Variants in TMEM18 observed in about 807,000 individuals in gnomAD.
The protein encoded by TMEM18 is transmembrane protein 18.
Under a neutral mutation model 17.4 loss-of-function variants are expected in TMEM18, and 14 were observed. The observed-to-expected ratio is 0.80, with a 90% CI of 0.53 to 1.25. The LOEUF is 1.25. Among genes scored for constraint, TMEM18 ranks in the 50% most tolerant of loss-of-function variants. The probability of loss-of-function intolerance (pLI) is 0.00; values close to 1 mark genes in which losing one functional copy is unlikely to be tolerated. For synonymous variants in TMEM18, 86 were observed against 66.1 expected (o/e 1.30, Z -1.46); for missense variants, 187 against 172.1 (o/e 1.09, Z -0.48).
rs1678738783 is a variant in TMEM18, at chr2:668,044, A to G, written c.*1536T>C. On this transcript the variant is annotated 3_prime_UTR_variant, in exon 5 of 5. Coordinates refer to ENST00000281017, the MANE Select transcript of TMEM18 (RefSeq NM_152834.4). Reference sequence around the variant, plus strand: ...GGGAGGCCTCGGGAAACTTACAATCATGGCAGAGGGAGAAACAAGCACCTT... The same window carrying G: ...GGGAGGCCTCGGGAAACTTACAATCGTGGCAGAGGGAGAAACAAGCACCTT... 6.6e-6 allele frequency: 1 copy of G among 152,256 alleles called. No individual in the cohort carries two copies. Among genetic ancestry groups the G allele is most frequent in the African/African-American group, 2.4e-5 (1 of 41,462 alleles). The allele number at this position is 152,256 out of a possible 1,614,324, so 9.4% of individuals were successfully genotyped here. A position where few individuals can be genotyped will look rare whatever the true frequency, so the allele number is the denominator to read the frequency against.
At chr2:671,410 C>CAGTGAGCCGCTTATGG (rs1558180661) in intron 3 of TMEM18, among the ~76,000 whole-genome samples, 19 of 142,926 alleles carry the variant, frequency 1.3e-4, no homozygotes, top group African/African-American at 4.3e-4. Flanking sequence ...GCAGGGTCCT[C>CAGTGAGCCGCTTATGG]CTGGGACTGA....
At chr2:670,365 AGCAG>A in intron 3 of TMEM18, 1 of 156,332 alleles carries the variant, frequency 6.4e-6, no homozygotes, top group Non-Finnish European at 1.4e-5. Context: ...GTGCCTCTTT[AGCAG>A]AAGAGACTGA....
chr2:675,012 C>T (rs759712648), intron 2 of TMEM18, among the ~76,000 whole-genome samples: 3 of 152,262 alleles, frequency 2.0e-5, no homozygotes, highest in Non-Finnish European at 4.4e-5. Flanking sequence ...ACTCTTCACA[C>T]CCTGTGCCAT....
rs143766840 is a variant in TMEM18 at position 669,666 on chromosome 2, C to A, written c.337G>T (p.Val113Leu). Residue 113 changes from valine (V) to leucine (L), a missense_variant, in exon 5 of 5, where the codon GTA becomes TTA. Val to Leu is a conservative substitution (Grantham distance 32). Transcript: ENST00000281017. Reference sequence around the variant, plus strand: ...GTCATCACATTCAAAGTCTTCCATACCCACATAACCTAAACACAATTGTTT... The same window carrying A: ...GTCATCACATTCAAAGTCTTCCATAACCACATAACCTAAACACAATTGTTT... ...VNAMIIVVMW[V>L]WKTLNVMTDL... is the part of the protein sequence containing the mutation. The A allele has an allele frequency of 1.7e-5, 28 of 1,614,072 alleles. No homozygotes were observed. In the African/African-American group the frequency reaches 3.7e-4, roughly 22 times the overall value.
In TMEM18 at chr2:666,172, G is replaced by A. The variant is rs1678685058; in HGVS notation, c.*3408C>T. Among the ~76,000 whole-genome samples the A allele has an allele frequency of 6.6e-6, 1 of 152,250 alleles. No individual in the cohort carries two copies. The highest frequency in any genetic ancestry group is 1.9e-4 in the East Asian group (1 of 5,200). On this transcript the variant is annotated 3_prime_UTR_variant, in exon 5 of 5. Coordinates refer to ENST00000281017, the MANE Select transcript of TMEM18 (RefSeq NM_152834.4). ...TCCAGCTCGCTCAGATGGAGCAGGA[G>A]CTGCTGAAGGGTGTTTTGGCCCAGG...
chr2:676,522 C>G, intron 1 of TMEM18: 1 of 1,541,650 alleles, frequency 6.5e-7, no homozygotes, highest in Non-Finnish European at 8.8e-7. Flanking sequence ...TTCTCCAGAG[C>G]CGCGCCATGA....
chr2:668,107 G>A lies in TMEM18; in HGVS notation c.*1473C>T, dbSNP rs2103088896. 6.6e-6 allele frequency: 1 copy of A among 152,230 alleles called. No individual in the cohort carries two copies. Among genetic ancestry groups the A allele is most frequent in the East Asian group, 1.9e-4 (1 of 5,172 alleles). 9.4% of individuals were successfully genotyped at this position (152,230 alleles called of 1,614,324 possible). On this transcript the variant is annotated 3_prime_UTR_variant, in exon 5 of 5. Coordinates refer to ENST00000281017, the MANE Select transcript of TMEM18 (RefSeq NM_152834.4). ...GCAGGAGAGAGACAGTGACAGCAGG[G>A]GAAACTGCTGTCTTTAAAACCAGCA...
Position 667,732 on chromosome 2 carries a change from A to G in TMEM18, c.*1848T>C, listed in dbSNP as rs1678730270. On this transcript the variant is annotated 3_prime_UTR_variant, in exon 5 of 5. Transcript: ENST00000281017. ...TGAAGGTTGTTTTTACAAAACCAAA[A>G]TATAACTGTTCCAAAACACAGACAC... 6.6e-6 allele frequency: 1 copy of G among 152,242 alleles called. No homozygotes were observed. The highest frequency in any genetic ancestry group is 2.1e-4 in the South Asian group (1 of 4,828). 9.4% of individuals were successfully genotyped at this position (152,242 alleles called of 1,614,324 possible).
rs966588931 is a variant in TMEM18, at chr2:665,943, C to T, written c.*3637G>A. 6.6e-6 allele frequency among the ~76,000 whole-genome samples: 1 copy of T among 151,286 alleles called. No individual in the cohort carries two copies. The highest frequency in any genetic ancestry group is 1.5e-5 in the Non-Finnish European group (1 of 67,870). On this transcript the variant is annotated 3_prime_UTR_variant, in exon 5 of 5. Coordinates refer to ENST00000281017, the MANE Select transcript of TMEM18 (RefSeq NM_152834.4). ...TCACTCAGATGGAGTGTTAACCCCACGCACACAAAACCCAGAGATGCGGAT... is the reference window on the plus strand; with the variant it reads ...TCACTCAGATGGAGTGTTAACCCCATGCACACAAAACCCAGAGATGCGGAT...
chr2:675,765 C>T, intron 1 of TMEM18, 135 bp from the exon 2 acceptor site: 1 of 1,535,036 alleles, frequency 6.5e-7, no homozygotes, highest in Non-Finnish European at 8.7e-7. Flanking sequence ...CACCAAGTAT[C>T]CAGAGAGCAT....
rs753663325 is a variant in TMEM18 at position 669,664 on chromosome 2, T to C, written c.339A>G (p.Val113=). Residue 113 remains valine (V), a synonymous_variant, in exon 5 of 5, where the codon GTA becomes GTG. Coordinates refer to ENST00000281017, the MANE Select transcript of TMEM18 (RefSeq NM_152834.4). ...VNAMIIVVMW[V]WKTLNVMTDL... ...CAGTCATCACATTCAAAGTCTTCCATACCCACATAACCTAAACACAATTGT... is the reference window on the plus strand; with the variant it reads ...CAGTCATCACATTCAAAGTCTTCCACACCCACATAACCTAAACACAATTGT... The C allele has an allele frequency of 3.7e-6, 6 of 1,614,050 alleles. No homozygotes were observed. The highest frequency in any genetic ancestry group is 5.1e-6 in the Non-Finnish European group (6 of 1,180,032).
chr2:676,342 C>T (rs558884360), intron 1 of TMEM18: 52 of 1,457,480 alleles, frequency 3.6e-5, no homozygotes, highest in Middle Eastern at 2.1e-4. Flanking sequence ...AGTCCTCAAC[C>T]CTCCCCATCC....
intron 3 of TMEM18, among the ~76,000 whole-genome samples, chr2:671,971 G>C (rs1280004176): frequency 6.7e-6 from 1 of 149,834 alleles, no homozygotes. Context: ...GGAGGGAAAG[G>C]CTGAGCAGGG....
At chr2:676,224 G>C in intron 1 of TMEM18, 6 of 1,394,648 alleles carry the variant, frequency 4.3e-6, no homozygotes, top group Non-Finnish European at 5.7e-6. Context: ...TGGACTCCCC[G>C]GGACCCTGCT....
chr2:677,190 C>T lies in TMEM18; in HGVS notation c.57+99G>A, dbSNP rs950962860. 1.3e-4 allele frequency: 188 copies of T among 1,462,072 alleles called. 1 individual carries two copies. In the African/African-American group the frequency reaches 2.2e-3, roughly 17 times the overall value. The allele number at this position is 1,462,072 out of a possible 1,614,324, so 90.6% of individuals were successfully genotyped here. A position where few individuals can be genotyped will look rare whatever the true frequency, so the allele number is the denominator to read the frequency against. ...TCCGCCACAAGGCCCCGCCCACGGC[C>T]GGGGCCTTCTTGGCCACAGGCCGGG... On this transcript the variant is annotated intron_variant, in intron 1 of 4. Transcript: ENST00000281017.
Position 667,442 on chromosome 2 carries a change from T to C in TMEM18, c.*2138A>G, listed in dbSNP as rs927571339. On this transcript the variant is annotated 3_prime_UTR_variant, in exon 5 of 5. Transcript: ENST00000281017. ...CCCAAACCTCCTTTCCTGTACTTTA[T>C]CAGTAGAGTAAAAACATTTGTTCTA... 5 of 152,236 alleles carry C rather than the reference T, an allele frequency of 3.3e-5. No individual in the cohort carries two copies. The highest frequency in any genetic ancestry group is 5.9e-5 in the Non-Finnish European group (4 of 68,050). The allele number at this position is 152,236 out of a possible 1,614,324, so 9.4% of individuals were successfully genotyped here. A position where few individuals can be genotyped will look rare whatever the true frequency, so the allele number is the denominator to read the frequency against.
At position 672,866 on chromosome 2, in the gene TMEM18, A is replaced by G; in HGVS notation, c.179-4T>C. On this transcript the variant is annotated splice_region_variant and splice_polypyrimidine_tract_variant and intron_variant, in intron 2 of 4. Coordinates refer to ENST00000281017, the MANE Select transcript of TMEM18 (RefSeq NM_152834.4). The stretch of plus-strand genomic sequence containing the variant: ...TCAGCACAGTAGACTAAGATGACTG[A>G]AAAAAGGTACAAGTCATATTAGAAT... 1 of 1,506,854 alleles carries G rather than the reference A, an allele frequency of 6.6e-7. No individual in the cohort carries two copies. Among genetic ancestry groups the G allele is most frequent in the East Asian group, 2.7e-5 (1 of 37,136 alleles). The allele number at this position is 1,506,854 out of a possible 1,614,324, so 93.3% of individuals were successfully genotyped here.
rs757848763 is a variant in TMEM18, at chr2:677,352, G to A, written c.-7C>T. 13 of 1,611,386 alleles carry A rather than the reference G, an allele frequency of 8.1e-6. No individual in the cohort carries two copies. The highest frequency in any genetic ancestry group is 1.1e-5 in the Non-Finnish European group (13 of 1,179,542). On this transcript the variant is annotated 5_prime_UTR_variant, in exon 1 of 5. Coordinates refer to ENST00000281017, the MANE Select transcript of TMEM18 (RefSeq NM_152834.4). The stretch of plus-strand genomic sequence containing the variant: ...CAGAGAAGGCGGACGGCATGGTGTT[G>A]GGAAGCCCGCTCTCACAGCAACCGC...
chr2:676,720 C>T (rs988224007), intron 1 of TMEM18: 100 of 1,364,196 alleles, frequency 7.3e-5, no homozygotes, highest in Non-Finnish European at 9.2e-5. Flanking sequence ...GCCCCGCCCA[C>T]ACTGGGCAGC....
Sources: allele counts gnomAD v4.1 joint callset (sites outside exome capture counted in the v4.1 genomes callset), GRCh38; gene constraint gnomAD v4.1.1; transcripts MANE v1.5; gene names NCBI Gene and HGNC (gene_info 2026-07-23, HGNC 2026-07-21).